The following KCNC2 variants were observed in gnomAD, a reference collection of about 807,000 sequenced individuals.
KCNC2 encodes potassium voltage-gated channel subfamily C member 2.
A neutral mutation model predicts 44.5 loss-of-function variants in KCNC2; 21 were observed. That is an observed-to-expected ratio of 0.47 (90% CI 0.33 to 0.68). The LOEUF is 0.68. KCNC2 is among the 30% of genes least tolerant of loss of function. The pLI is 0.01. For synonymous variants in KCNC2, 391 were observed against 339.1 expected (o/e 1.15, Z -1.68); for missense variants, 589 against 826.2 (o/e 0.71, Z 3.52).
intron 2 of KCNC2, among the ~76,000 whole-genome samples, chr12:75,069,503 T>C (rs12309330): frequency 0.013 from 1,985 of 152,272 alleles, 48 homozygotes; most frequent in African/African-American, 0.045. Context: ...TTCCATTGAT[T>C]CATTCCGGCA....
In KCNC2 at chr12:75,040,947, G is replaced by T; in HGVS notation, c.*2158C>A. On this transcript the variant is annotated 3_prime_UTR_variant, in exon 5 of 5. Transcript: ENST00000549446. Reference sequence around the variant, plus strand: ...GACTGTTGACCCATGCACACATGTTGGTATTTACAGTTGTTTCATGGACAC... The same window carrying T: ...GACTGTTGACCCATGCACACATGTTTGTATTTACAGTTGTTTCATGGACAC... The T allele has an allele frequency of 1.6e-6, 1 of 617,964 alleles. No individual in the cohort carries two copies. 38.3% of individuals were successfully genotyped at this position (617,964 alleles called of 1,614,324 possible).
At chr12:75,048,921 T>C (rs1880862686) in intron 3 of KCNC2, among the ~76,000 whole-genome samples, 2 of 152,146 alleles carry the variant, frequency 1.3e-5, no homozygotes, top group Non-Finnish European at 2.9e-5. Flanking sequence ...TTTACTTCTG[T>C]ATCCTTGCCA....
intron 2 of KCNC2, among the ~76,000 whole-genome samples, chr12:75,064,861 C>T (rs899626266): frequency 5.3e-5 from 8 of 151,902 alleles, no homozygotes; most frequent in African/African-American, 1.9e-4. Flanking sequence ...TAAAGTATAA[C>T]GTTTACAACT....
chr12:75,108,780 G>C (rs1054003202), intron 2 of KCNC2, among the ~76,000 whole-genome samples: 2 of 152,048 alleles, frequency 1.3e-5, no homozygotes. Context: ...TAGTTTTTTT[G>C]TTCAGGAATA....
intron 2 of KCNC2, among the ~76,000 whole-genome samples, chr12:75,197,267 C>A (rs1376494959): frequency 6.6e-6 from 1 of 151,932 alleles, no homozygotes; most frequent in African/African-American, 2.4e-5. Context: ...CCAATTTCCA[C>A]CCTCCCTGTT....
intron 2 of KCNC2, among the ~76,000 whole-genome samples, chr12:75,162,667 C>T (rs553344957): frequency 1.3e-5 from 2 of 151,814 alleles, no homozygotes; most frequent in Admixed American, 6.6e-5. Flanking sequence ...GAGGCTTGCC[C>T]TGTGAAGAAT....
chr12:75,125,517 G>C (rs1390453598), intron 2 of KCNC2, among the ~76,000 whole-genome samples: 1 of 152,150 alleles, frequency 6.6e-6, no homozygotes, highest in East Asian at 1.9e-4. Flanking sequence ...AGGAGCAGAT[G>C]GGTGTCTTAA....
At chr12:75,189,236 T>C (rs545616403) in intron 2 of KCNC2, among the ~76,000 whole-genome samples, 1 of 152,310 alleles carries the variant, frequency 6.6e-6, no homozygotes, top group South Asian at 2.1e-4. Flanking sequence ...TCCAACAATA[T>C]TGTTTTTCAG....
chr12:75,154,222 T>C (rs1890607578), intron 2 of KCNC2, among the ~76,000 whole-genome samples: 1 of 152,048 alleles, frequency 6.6e-6, no homozygotes, highest in South Asian at 2.1e-4. Context: ...CTCTGATATT[T>C]ATTTATTTAG....
chr12:75,100,296 C>G (rs1445873616), intron 2 of KCNC2, among the ~76,000 whole-genome samples: 2 of 151,940 alleles, frequency 1.3e-5, no homozygotes, highest in East Asian at 3.9e-4. Flanking sequence ...TATAGATTTT[C>G]TAACCTTGGG....
intron 2 of KCNC2, among the ~76,000 whole-genome samples, chr12:75,172,104 C>A (rs1488540787): frequency 6.6e-6 from 1 of 151,748 alleles, no homozygotes; most frequent in Non-Finnish European, 1.5e-5. Context: ...AGAGAATAAG[C>A]CTGTTTCAGG....
intron 2 of KCNC2, among the ~76,000 whole-genome samples, chr12:75,080,531 A>G (rs1010889362): frequency 2.0e-5 from 3 of 152,144 alleles, no homozygotes; most frequent in Non-Finnish European, 4.4e-5. Context: ...CAAAAGAAAC[A>G]ACAAAGCATT....
chr12:75,074,772 C>A (rs1592811618), intron 2 of KCNC2, among the ~76,000 whole-genome samples: 1 of 152,320 alleles, frequency 6.6e-6, no homozygotes, highest in East Asian at 1.9e-4. Flanking sequence ...ATGAATCTAA[C>A]TTATTCCCTT....
At chr12:75,120,910 C>G (rs1377863271) in intron 2 of KCNC2, among the ~76,000 whole-genome samples, 1 of 152,134 alleles carries the variant, frequency 6.6e-6, no homozygotes, top group South Asian at 2.1e-4. Flanking sequence ...AGACTTAACC[C>G]TATACATTTT....
At chr12:75,176,085 T>C (rs1892162969) in intron 2 of KCNC2, among the ~76,000 whole-genome samples, 1 of 152,066 alleles carries the variant, frequency 6.6e-6, no homozygotes, top group Non-Finnish European at 1.5e-5. Flanking sequence ...GCTCAGGCAA[T>C]GGGCCAAAGA....
rs537467144 is a variant in KCNC2, at chr12:75,042,206, AT to A, written c.*898del. 0.084 allele frequency: 67,130 copies of A among 803,372 alleles called. 28 individuals carry two copies. The highest frequency in any genetic ancestry group is 0.085 in the Non-Finnish European group (49,104 of 576,786). 49.8% of individuals were successfully genotyped at this position (803,372 alleles called of 1,614,324 possible). On this transcript the variant is annotated 3_prime_UTR_variant, in exon 5 of 5. Coordinates refer to ENST00000549446, the MANE Select transcript of KCNC2 (RefSeq NM_139137.4). ...CTGAAAATGATGACAAACCCTGGGTATTTTTTTTTTTTAAAGAGTCTAGAAC... is the reference window on the plus strand; with the variant it reads ...CTGAAAATGATGACAAACCCTGGGTATTTTTTTTTTTAAAGAGTCTAGAAC...
chr12:75,042,162 G>C lies in KCNC2; in HGVS notation c.*943C>G, dbSNP rs2136905880. ...AAAAAAAGACACAAGAGCTTTGGGTGATATTTGGCACTCTGCCTCTGAAAA... is the reference window on the plus strand; with the variant it reads ...AAAAAAAGACACAAGAGCTTTGGGTCATATTTGGCACTCTGCCTCTGAAAA... On this transcript the variant is annotated 3_prime_UTR_variant, in exon 5 of 5. Coordinates refer to ENST00000549446, the MANE Select transcript of KCNC2 (RefSeq NM_139137.4). 1 of 1,278,528 alleles carries C rather than the reference G, an allele frequency of 7.8e-7. No individual in the cohort carries two copies. Among genetic ancestry groups the C allele is most frequent in the Non-Finnish European group, 9.9e-7 (1 of 1,007,310 alleles). 79.2% of individuals were successfully genotyped at this position (1,278,528 alleles called of 1,614,324 possible). A position where few individuals can be genotyped will look rare whatever the true frequency, so the allele number is the denominator to read the frequency against.
chr12:75,127,019 G>T (rs1320995948), intron 2 of KCNC2, among the ~76,000 whole-genome samples: 1 of 152,058 alleles, frequency 6.6e-6, no homozygotes, highest in Non-Finnish European at 1.5e-5. Flanking sequence ...AATGTGCCCT[G>T]GTCTAGTTAA....
At position 75,043,250 on chromosome 12, in the gene KCNC2, A is replaced by G. The variant is rs907624899; in HGVS notation, c.1781-9T>C. On this transcript the variant is annotated splice_polypyrimidine_tract_variant and intron_variant, in intron 4 of 4. Transcript: ENST00000549446. ...TCGGGATTTTTCATATCCTTTTATGAAAAAATGCACAGACATCAGTTGAAT... is the reference window on the plus strand; with the variant it reads ...TCGGGATTTTTCATATCCTTTTATGGAAAAATGCACAGACATCAGTTGAAT... 12 of 1,611,418 alleles carry G rather than the reference A, an allele frequency of 7.4e-6. No homozygotes were observed. The Admixed American group carries it at 1.3e-4, about 18-fold the overall frequency.
Sources: allele counts gnomAD v4.1 joint callset (sites outside exome capture counted in the v4.1 genomes callset), GRCh38; gene constraint gnomAD v4.1.1; transcripts MANE v1.5; gene names NCBI Gene and HGNC (gene_info 2026-07-23, HGNC 2026-07-21).